DLGAP2: variants seen among roughly 807,000 people sequenced by gnomAD.
DLGAP2 encodes disks large-associated protein 2.
Under a neutral mutation model 100.3 loss-of-function variants are expected in DLGAP2, and 26 were observed. That is an observed-to-expected ratio of 0.26 (90% CI 0.19 to 0.36). DLGAP2 has a LOEUF of 0.36. Ranked by LOEUF, DLGAP2 falls within the 10% of genes least tolerant of loss-of-function variation. The pLI is 1.00. For synonymous variants in DLGAP2, 886 were observed against 630.1 expected (o/e 1.41, Z -6.08); for missense variants, 1,858 against 1,453.2 (o/e 1.28, Z -4.53).
intron 2 of DLGAP2, among the ~76,000 whole-genome samples, chr8:1,030,323 G>A (rs1047885846): frequency 6.6e-6 from 1 of 152,160 alleles, no homozygotes; most frequent in African/African-American, 2.4e-5. Flanking sequence ...CTGAGGTGTT[G>A]TGAAACTCTT....
chr8:926,235 A>C (rs1798812909), intron 2 of DLGAP2, among the ~76,000 whole-genome samples: 1 of 152,054 alleles, frequency 6.6e-6, no homozygotes, highest in Admixed American at 6.5e-5. Flanking sequence ...CATGCTCCTG[A>C]CTGCTGACAG....
chr8:1,636,379 C>G (rs1797765962), intron 8 of DLGAP2, among the ~76,000 whole-genome samples: 1 of 152,146 alleles, frequency 6.6e-6, no homozygotes, highest in Non-Finnish European at 1.5e-5. Context: ...ATTTATATTT[C>G]TATAGCAACT....
At chr8:1,357,703 C>A (rs1397292056) in intron 3 of DLGAP2, among the ~76,000 whole-genome samples, 1 of 152,190 alleles carries the variant, frequency 6.6e-6, no homozygotes, top group African/African-American at 2.4e-5. Flanking sequence ...GAGACGTCAG[C>A]CTTGCTGCGA....
In DLGAP2 at chr8:1,699,568, C is replaced by A. The variant is rs192582265; in HGVS notation, c.2950-1620C>A. On this transcript the variant is annotated intron_variant, in intron 14 of 14. Coordinates refer to ENST00000637795, the MANE Select transcript of DLGAP2 (RefSeq NM_001346810.2). ...GGCAGAGCTTGTAGTGAGCCAAGAT[C>A]GTGCCACTGCACTGCAGCCTAGGCA... Among the ~76,000 whole-genome samples, 189 of 151,932 alleles carry A rather than the reference C, an allele frequency of 1.2e-3. 1 individual carries two copies. The highest frequency in any genetic ancestry group is 4.2e-3 in the African/African-American group (174 of 41,416).
intron 2 of DLGAP2, among the ~76,000 whole-genome samples, chr8:1,057,532 C>G (rs914155379): frequency 3.2e-4 from 49 of 152,340 alleles, no homozygotes; most frequent in African/African-American, 5.3e-4. Flanking sequence ...TGTTGTCTCT[C>G]TAACTTACTG....
At chr8:1,673,751 G>A (rs1198738902) in intron 10 of DLGAP2, among the ~76,000 whole-genome samples, 1 of 152,154 alleles carries the variant, frequency 6.6e-6, no homozygotes. Flanking sequence ...AAATTTAAAA[G>A]AGTTTCCTAA....
chr8:1,514,208 A>T (rs1229251542), intron 4 of DLGAP2, among the ~76,000 whole-genome samples: 1 of 152,222 alleles, frequency 6.6e-6, no homozygotes, highest in African/African-American at 2.4e-5. Flanking sequence ...AATTAGAGAT[A>T]TGTTTTCTCT....
chr8:1,682,230 C>T (rs139516652), intron 12 of DLGAP2, among the ~76,000 whole-genome samples: 16 of 152,258 alleles, frequency 1.1e-4, no homozygotes, highest in Admixed American at 2.6e-4. Context: ...GGTTCTCCCG[C>T]GTTAGCCATT....
At chr8:1,209,094 TC>T (rs1798053057) in intron 2 of DLGAP2, among the ~76,000 whole-genome samples, 2 of 152,080 alleles carry the variant, frequency 1.3e-5, no homozygotes, top group South Asian at 4.2e-4. Flanking sequence ...ATGGATAAAT[TC>T]AATATCATTC....
At chr8:1,208,846 CT>C (rs973426053) in intron 2 of DLGAP2, among the ~76,000 whole-genome samples, 1 of 150,896 alleles carries the variant, frequency 6.6e-6, no homozygotes, top group African/African-American at 2.4e-5. Flanking sequence ...AACTCCACCC[CT>C]TTACAATAAT....
chr8:930,263 C>G (rs1798925342), intron 2 of DLGAP2, among the ~76,000 whole-genome samples: 1 of 152,192 alleles, frequency 6.6e-6, no homozygotes, highest in Non-Finnish European at 1.5e-5. Context: ...CTTGGTTGAT[C>G]ATGTGGTCAT....
intron 3 of DLGAP2, among the ~76,000 whole-genome samples, chr8:1,320,624 G>A (rs1458117397): frequency 2.0e-5 from 3 of 152,146 alleles, no homozygotes; most frequent in Non-Finnish European, 4.4e-5. Flanking sequence ...CTAAGTTCTG[G>A]TCATATGGGA....
At chr8:1,453,588 C>G (rs1363913196) in intron 3 of DLGAP2, among the ~76,000 whole-genome samples, 1 of 152,070 alleles carries the variant, frequency 6.6e-6, no homozygotes, top group Non-Finnish European at 1.5e-5. Context: ...TTTGGTGACA[C>G]CTTACAGAAC....
At chr8:1,543,206 G>A (rs1801421436) in intron 4 of DLGAP2, among the ~76,000 whole-genome samples, 2 of 152,112 alleles carry the variant, frequency 1.3e-5, no homozygotes, top group Admixed American at 1.3e-4. Flanking sequence ...TTTAATTTTA[G>A]GTAGTTTATT....
At chr8:1,255,701 CTGCCTGGGAGCTGTGTGTGTGTCCTCT>C (rs1799188070) in intron 2 of DLGAP2, among the ~76,000 whole-genome samples, 1 of 135,824 alleles carries the variant, frequency 7.4e-6, no homozygotes. Flanking sequence ...GTGTCCTCTT[CTGCCTGGGAGCTGTGTGTGTGTCCTCT>C]CCTGCCCGAG....
intron 2 of DLGAP2, among the ~76,000 whole-genome samples, chr8:1,185,071 A>G (rs967545217): frequency 2.0e-5 from 3 of 152,044 alleles, no homozygotes; most frequent in Middle Eastern, 3.2e-3. Context: ...AGGTCGGGCG[A>G]GGGTTCTGCG....
chr8:1,375,201 A>G (rs1306109380), intron 3 of DLGAP2, among the ~76,000 whole-genome samples: 2 of 82,342 alleles, frequency 2.4e-5, no homozygotes, highest in Non-Finnish European at 4.2e-5. Flanking sequence ...ACGGCCTCAG[A>G]ACTGATCCCC....
chr8:1,495,802 G>C (rs1039829223), intron 3 of DLGAP2, among the ~76,000 whole-genome samples: 1 of 152,176 alleles, frequency 6.6e-6, no homozygotes, highest in Admixed American at 6.5e-5. Context: ...TGTCTGCGAT[G>C]ACGTGCGATT....
chr8:1,373,949 A>G (rs748667129), intron 3 of DLGAP2, among the ~76,000 whole-genome samples: 10 of 152,176 alleles, frequency 6.6e-5, no homozygotes, highest in South Asian at 2.1e-4. Flanking sequence ...TCCCAATTGA[A>G]TAGTCGGTAA....
Sources: allele counts gnomAD v4.1 joint callset (sites outside exome capture counted in the v4.1 genomes callset), GRCh38; gene constraint gnomAD v4.1.1; transcripts MANE v1.5; gene names NCBI Gene and HGNC (gene_info 2026-07-23, HGNC 2026-07-21).